EFHC2: variants seen among roughly 807,000 people sequenced by gnomAD.
EFHC2 encodes EF-hand domain-containing family member C2.
A neutral mutation model predicts 52.7 loss-of-function variants in EFHC2; 18 were observed. The ratio of observed to expected loss-of-function variants is 0.34; its 90% CI spans 0.24 to 0.51. The LOEUF (loss-of-function observed/expected upper bound fraction) is 0.51, where lower values mean the gene tolerates loss of function less well. EFHC2 is among the 20% of genes least tolerant of loss of function. The pLI, the probability that EFHC2 is intolerant of heterozygous loss-of-function variation, is 0.97. For synonymous variants in EFHC2, 203 were observed against 204.1 expected, an observed-to-expected ratio of 0.99 and a Z score of 0.04; for missense variants, 513 against 562.5, an observed-to-expected ratio of 0.91 and a Z score of 0.89.
intron 2 of EFHC2, among the ~76,000 whole-genome samples, chrX:44,275,743 G>A (rs183268561): frequency 3.7e-5 from 4 of 107,546 alleles, no homozygotes; most frequent in African/African-American, 1.0e-4. Flanking sequence ...GAGAAACCCC[G>A]TCTCTACTAA....
intron 2 of EFHC2, among the ~76,000 whole-genome samples, chrX:44,283,106 T>C (rs2037720447): frequency 8.9e-6 from 1 of 112,020 alleles, no homozygotes; most frequent in African/African-American, 3.2e-5. Flanking sequence ...CCCTAAGGTG[T>C]CTTGTAGTCA....
At chrX:44,183,646 G>A (rs1449237652) in intron 11 of EFHC2, among the ~76,000 whole-genome samples, 2 of 111,877 alleles carry the variant, frequency 1.8e-5, no homozygotes, top group Non-Finnish European at 1.9e-5. Context: ...CAACTTCACT[G>A]GAGAACAAGG....
chrX:44,322,416 G>A (rs1435314640), intron 1 of EFHC2, among the ~76,000 whole-genome samples: 1 of 112,112 alleles, frequency 8.9e-6, no homozygotes, highest in Non-Finnish European at 1.9e-5. Context: ...ATTGTCAGCT[G>A]ATCTTTCCCT....
intron 11 of EFHC2, among the ~76,000 whole-genome samples, chrX:44,221,373 C>A (rs750641111): frequency 1.6e-3 from 182 of 111,498 alleles, no homozygotes; most frequent in African/African-American, 5.7e-3. Context: ...TGACTGTCAC[C>A]AAATCTTTAT....
At chrX:44,277,169 G>A (rs1485101576) in intron 2 of EFHC2, among the ~76,000 whole-genome samples, 2 of 104,698 alleles carry the variant, frequency 1.9e-5, no homozygotes, top group Non-Finnish European at 3.9e-5. Flanking sequence ...TGAGGCAGGA[G>A]AATGGCATGA....
chrX:44,215,869 C>T (rs2037143611), intron 11 of EFHC2, among the ~76,000 whole-genome samples: 1 of 111,197 alleles, frequency 9.0e-6, no homozygotes, highest in African/African-American at 3.3e-5. Context: ...CACACACACA[C>T]ACACAACGTG....
At chrX:44,159,578 A>G (rs916108976) in intron 14 of EFHC2, among the ~76,000 whole-genome samples, 162 of 112,523 alleles carry the variant, frequency 1.4e-3, no homozygotes, top group African/African-American at 5.1e-3. Flanking sequence ...ACCATTTTAT[A>G]TCTATTTTCT....
At chrX:44,214,880 G>GAAGCTAGTATAGTGTT (rs1321599246) in intron 11 of EFHC2, among the ~76,000 whole-genome samples, 3 of 111,862 alleles carry the variant, frequency 2.7e-5, no homozygotes, top group East Asian at 5.6e-4. Flanking sequence ...GCCTACTGGT[G>GAAGCTAGTATAGTGTT]AAGCTAGTAT....
In EFHC2 at chrX:44,277,281, A is replaced by G. The variant is rs5952567; in HGVS notation, c.232-4445T>C. ...CTCAAAAAAAAAAAAAAAAAAAAAA[A>G]TCTTACAGCTGAATTTCTAGAGAAG... On this transcript the variant is annotated intron_variant, in intron 2 of 14. Coordinates refer to ENST00000420999, the MANE Select transcript of EFHC2 (RefSeq NM_025184.4). 3.3e-3 allele frequency among the ~76,000 whole-genome samples: 334 copies of G among 102,456 alleles called. 9 individuals are homozygous for G. Among genetic ancestry groups the G allele is most frequent in the African/African-American group, 9.7e-3 (257 of 26,501 alleles). The allele number at this position is 102,456 out of a possible 115,157, so 89.0% of individuals were successfully genotyped here.
At chrX:44,192,500 C>T (rs914792199) in intron 11 of EFHC2, among the ~76,000 whole-genome samples, 1 of 112,125 alleles carries the variant, frequency 8.9e-6, no homozygotes, top group Non-Finnish European at 1.9e-5. Flanking sequence ...ATTTAATGAT[C>T]TCTTTTCGTA....
intron 13 of EFHC2, among the ~76,000 whole-genome samples, chrX:44,175,928 T>C (rs1251937877): frequency 1.8e-5 from 2 of 112,025 alleles, no homozygotes; most frequent in African/African-American, 6.5e-5. Flanking sequence ...AACCCTAGGT[T>C]CTCTTACTGC....
intron 3 of EFHC2, among the ~76,000 whole-genome samples, chrX:44,271,475 T>C (rs1206804244): frequency 9.0e-6 from 1 of 111,417 alleles, no homozygotes; most frequent in African/African-American, 3.3e-5. Context: ...ACTGAGATAC[T>C]GGAGGTGGCA....
chrX:44,301,109 CAAAA>C (rs777876518), intron 2 of EFHC2, among the ~76,000 whole-genome samples: 2 of 42,799 alleles, frequency 4.7e-5, no homozygotes, highest in Non-Finnish European at 4.3e-5. Flanking sequence ...GACTCTATCT[CAAAA>C]AAAAAAAAAA....
chrX:44,307,930 T>C (rs774279091), intron 2 of EFHC2, among the ~76,000 whole-genome samples: 23 of 82,716 alleles, frequency 2.8e-4, no homozygotes, highest in African/African-American at 8.2e-4. Flanking sequence ...CGAGACTTTG[T>C]CTCAAAAAAA....
chrX:44,189,501 G>A (rs1053772363), intron 11 of EFHC2, among the ~76,000 whole-genome samples: 2 of 112,341 alleles, frequency 1.8e-5, no homozygotes, highest in African/African-American at 6.5e-5. Context: ...AGAGATGCAT[G>A]TGTACGCCAT....
chrX:44,325,701 T>C (rs1026154803), intron 1 of EFHC2, among the ~76,000 whole-genome samples: 7 of 106,384 alleles, frequency 6.6e-5, no homozygotes, highest in Non-Finnish European at 1.3e-4. Flanking sequence ...CAGTCTCTTG[T>C]TTCTTTCTAG....
chrX:44,272,587 T>C, intron 3 of EFHC2, 99 bp downstream of exon 3: 3 of 920,637 alleles, frequency 3.3e-6, no homozygotes, highest in Non-Finnish European at 3.0e-6. Flanking sequence ...TTAGACAGCC[T>C]AAACAGTAGC....
In EFHC2 at chrX:44,234,442, T is replaced by G. The variant is rs1033256419; in HGVS notation, c.1423+863A>C. 2.7e-5 allele frequency among the ~76,000 whole-genome samples: 3 copies of G among 112,228 alleles called. No individual in the cohort carries two copies. The East Asian group carries it at 8.4e-4, about 31-fold the overall frequency. On this transcript the variant is annotated intron_variant, in intron 9 of 14. Transcript: ENST00000420999. ...GAGCCTTAGTTATACAAGTTATTCCTTACTCATTGGTGTGCTAAGTAGCTC... is the reference window on the plus strand; with the variant it reads ...GAGCCTTAGTTATACAAGTTATTCCGTACTCATTGGTGTGCTAAGTAGCTC...
At chrX:44,244,222 G>C (rs2037382395) in intron 7 of EFHC2, among the ~76,000 whole-genome samples, 1 of 111,737 alleles carries the variant, frequency 8.9e-6, no homozygotes, top group Non-Finnish European at 1.9e-5. Context: ...GTGTATAAAA[G>C]CTGAGAACTT....
Sources: gnomAD v4.1 joint callset for allele counts (sites outside exome capture counted in the v4.1 genomes callset) on GRCh38, gnomAD v4.1.1 for gene constraint, MANE v1.5 for transcripts, NCBI Gene and HGNC (gene_info 2026-07-23, HGNC 2026-07-21) for gene names.